RHOBTB2: variants seen among roughly 807,000 people sequenced by gnomAD.
RHOBTB2 encodes Rho related BTB domain containing 2.
In RHOBTB2, 39 loss-of-function variants were observed where a neutral mutation model predicts 66.5. The observed-to-expected ratio is 0.59, with a 90% confidence interval of 0.45 to 0.77. RHOBTB2 has a LOEUF of 0.77. Ranked by LOEUF, RHOBTB2 falls within the 30% of genes least tolerant of loss-of-function variation. RHOBTB2 has a pLI of 0.00. For missense variants in RHOBTB2, 755 were observed against 999.1 expected (o/e 0.76, Z 3.29); for synonymous variants, 390 against 395.0 (o/e 0.99, Z 0.15).
upstream of RHOBTB2, among the ~76,000 whole-genome samples, chr8:22,997,996 G>A (rs536224003): frequency 6.8e-4 from 103 of 152,334 alleles, no homozygotes; most frequent in African/African-American, 2.3e-3. Context: ...TATGGAGGGT[G>A]AGTTCTAACC....
intron 5 of RHOBTB2, 23 bp from the exon 6 acceptor site, chr8:23,007,970 C>T: frequency 2.5e-6 from 4 of 1,601,630 alleles, no homozygotes; most frequent in Non-Finnish European, 3.4e-6. Flanking sequence ...CACCAGTCCT[C>T]CTGTGATGCT....
the RHOBTB2 span, among the ~76,000 whole-genome samples, chr8:22,969,491 A>G: frequency 6.6e-6 from 1 of 152,236 alleles, no homozygotes; most frequent in African/African-American, 2.4e-5. Context: ...TGAACAAATA[A>G]TCACAGGGGA....
the RHOBTB2 span, among the ~76,000 whole-genome samples, chr8:22,974,322 A>T: frequency 6.6e-6 from 1 of 152,220 alleles, no homozygotes; most frequent in Non-Finnish European, 1.5e-5. Context: ...TCACAACTGC[A>T]GCTGCTTCTC....
chr8:22,960,463 C>T, the RHOBTB2 span, among the ~76,000 whole-genome samples: 1 of 151,752 alleles, frequency 6.6e-6, no homozygotes, highest in Admixed American at 6.6e-5. Flanking sequence ...GGATTACAGG[C>T]ATGCACCACC....
intron 1 of RHOBTB2, among the ~76,000 whole-genome samples, chr8:23,000,514 C>G (rs1027950805): frequency 6.6e-6 from 1 of 152,158 alleles, no homozygotes; most frequent in African/African-American, 2.4e-5. Flanking sequence ...GAACTCAACT[C>G]CATTGCAGTC....
At chr8:22,993,232 G>A (rs1563284356) in intron 2 of RHOBTB2, among the ~76,000 whole-genome samples, 1 of 152,044 alleles carries the variant, frequency 6.6e-6, no homozygotes, top group Non-Finnish European at 1.5e-5. Flanking sequence ...CGATCATAGT[G>A]CACTGCAGCC....
At chr8:22,952,076 G>C in the RHOBTB2 span, among the ~76,000 whole-genome samples, 2 of 152,036 alleles carry the variant, frequency 1.3e-5, no homozygotes, top group African/African-American at 2.4e-5. Flanking sequence ...CCCTTCACCA[G>C]GCATTCCCTA....
chr8:22,999,508 C>A (rs1216140631), upstream of RHOBTB2: 2 of 1,048,860 alleles, frequency 1.9e-6, no homozygotes, highest in Admixed American at 5.5e-5. Context: ...CCCCTCCCCG[C>A]CCCCCGAACG....
the RHOBTB2 span, among the ~76,000 whole-genome samples, chr8:22,975,346 G>A: frequency 1.3e-5 from 2 of 152,170 alleles, no homozygotes; most frequent in African/African-American, 4.8e-5. Context: ...AAAGACTGCA[G>A]GCTGTGGGAC....
At chr8:23,016,837 G>GCTGCTGTGTC (rs910243040) in intron 9 of RHOBTB2, among the ~76,000 whole-genome samples, 19 of 152,166 alleles carry the variant, frequency 1.2e-4, no homozygotes, top group Non-Finnish European at 2.8e-4. Flanking sequence ...CCTCTGGTCT[G>GCTGCTGTGTC]CTGCTGTGTC....
At chr8:22,978,493 A>C in the RHOBTB2 span, among the ~76,000 whole-genome samples, 22 of 150,898 alleles carry the variant, frequency 1.5e-4, no homozygotes, top group Admixed American at 7.9e-4. Context: ...CTCAAAAAAA[A>C]AAAAAACAAA....
chr8:22,987,332 G>C (rs1208925125), upstream of RHOBTB2: 1 of 152,378 alleles, frequency 6.6e-6, no homozygotes, highest in Non-Finnish European at 1.5e-5. Context: ...AAAGCCTCTG[G>C]CCCAGGGTTT....
chr8:23,000,356 T>C (rs1810735931), intron 1 of RHOBTB2, among the ~76,000 whole-genome samples: 1 of 152,252 alleles, frequency 6.6e-6, no homozygotes, highest in African/African-American at 2.4e-5. Context: ...TAAAAATTTT[T>C]AAATTTCTAT....
Position 23,007,371 on chromosome 8 carries a change from A to G in RHOBTB2, c.1126A>G (p.Thr376Ala). The change falls in exon 5 of 10, where the codon ACA becomes GCA. Residue 376 changes from threonine to alanine, a missense_variant. Around this residue, in one of 7 missense-constraint regions of RHOBTB2, gnomAD observed 247 missense variants for 238.9 expected, o/e 1.03. Transcript: ENST00000251822. ...CGACGGGATCTTACGGGGCAACGGA[A>G]CAGGGTACCTACCGGGCAGGGGTCG... ...TSDGILRGNG[T>A]GYLPGRGRVL... The G allele has an allele frequency of 6.2e-7, 1 of 1,614,056 alleles. No individual in the cohort carries two copies. The highest frequency in any genetic ancestry group is 8.5e-7 in the Non-Finnish European group (1 of 1,179,968).
the RHOBTB2 span, among the ~76,000 whole-genome samples, chr8:22,957,819 C>T: frequency 1.1e-4 from 17 of 152,164 alleles, no homozygotes; most frequent in African/African-American, 4.1e-4. Flanking sequence ...AGATCTGAGT[C>T]CTAAAGACCT....
At chr8:22,976,567 C>T in the RHOBTB2 span, among the ~76,000 whole-genome samples, 2 of 152,208 alleles carry the variant, frequency 1.3e-5, no homozygotes, top group Admixed American at 1.3e-4. Context: ...ATTGGGAATA[C>T]CGCCATTTTT....
At position 23,007,661 on chromosome 8, in the gene RHOBTB2, C is replaced by T; in HGVS notation, c.1416C>T (p.Ala472=). 2 of 1,614,176 alleles carry T rather than the reference C, an allele frequency of 1.2e-6. No homozygotes were observed. The highest frequency in any genetic ancestry group is 2.2e-5 in the East Asian group (1 of 44,876). The stretch of plus-strand genomic sequence containing the variant: ...TGGCCAACATTCTCAACAATGAGGC[C>T]TTCATGAACCAGGAGATCACCAAGG... ...MMVANILNNE[A]FMNQEITKAF... is the part of the protein sequence containing the mutation. The change falls in exon 5 of 10, where the codon GCC becomes GCT. Residue 472 remains alanine, a synonymous_variant. Coordinates refer to ENST00000251822, the MANE Select transcript of RHOBTB2 (RefSeq NM_015178.3).
At chr8:22,953,300 C>T in the RHOBTB2 span, among the ~76,000 whole-genome samples, 1 of 152,180 alleles carries the variant, frequency 6.6e-6, no homozygotes, top group Non-Finnish European at 1.5e-5. Context: ...TGATCACCAG[C>T]TTCAGGTGTT....
rs1249611525 is a variant in RHOBTB2, at chr8:23,004,706, C to T, written c.192+80C>T. ...GGCTTCCTGAGGCATAGCTTGGTGT[C>T]TCCAGAGCTCACGGGAGCCCTCTAG... is the stretch of plus-strand genomic sequence containing the variant. On this transcript the variant is annotated intron_variant, in intron 2 of 9. Coordinates refer to ENST00000251822, the MANE Select transcript of RHOBTB2 (RefSeq NM_015178.3). The surrounding 1 kb of genome is among the most constrained non-coding windows in gnomAD (Gnocchi z 6.4). The T allele has an allele frequency of 1.5e-6, 2 of 1,370,448 alleles. No homozygotes were observed. The highest frequency in any genetic ancestry group is 2.5e-5 in the East Asian group (1 of 40,442). 84.9% of individuals were successfully genotyped at this position (1,370,448 alleles called of 1,614,324 possible).
Sources: allele counts gnomAD v4.1 joint callset (sites outside exome capture counted in the v4.1 genomes callset), GRCh38; gene constraint gnomAD v4.1.1; regional missense constraint gnomAD v4.1.1; non-coding constraint Gnocchi (gnomAD v3.1); transcripts MANE v1.5; gene names NCBI Gene and HGNC (gene_info 2026-07-23, HGNC 2026-07-21).